The following PDE4B variants were observed in gnomAD, a reference collection of about 807,000 sequenced individuals.
PDE4B encodes 3',5'-cyclic-AMP phosphodiesterase 4B.
Under a neutral mutation model 82.2 loss-of-function variants are expected in PDE4B, and 20 were observed. That is an observed-to-expected ratio of 0.24 (90% CI 0.17 to 0.35). PDE4B has a LOEUF of 0.35. Among genes scored for constraint, PDE4B ranks in the 10% least tolerant of loss-of-function variants. The probability of loss-of-function intolerance (pLI) is 1.00; values close to 1 mark genes in which losing one functional copy is unlikely to be tolerated. For synonymous variants in PDE4B, 320 were observed against 318.9 expected, an observed-to-expected ratio of 1.00 and a Z score of -0.04; for missense variants, 655 against 907.2, an observed-to-expected ratio of 0.72 and a Z score of 3.57.
chr1:65,859,059 T>A (rs1267109899), intron 1 of PDE4B, among the ~76,000 whole-genome samples: 1 of 152,172 alleles, frequency 6.6e-6, no homozygotes, highest in East Asian at 1.9e-4. Flanking sequence ...CCTTCAGATA[T>A]TTGTGTGTTG....
chr1:65,954,563 G>C (rs992931065), intron 3 of PDE4B, among the ~76,000 whole-genome samples: 3 of 151,966 alleles, frequency 2.0e-5, no homozygotes, highest in African/African-American at 7.2e-5. Flanking sequence ...TTAAGCAAGT[G>C]ATTACTGTTA....
chr1:66,140,552 T>C (rs1229391071), intron 3 of PDE4B, among the ~76,000 whole-genome samples: 6 of 152,224 alleles, frequency 3.9e-5, no homozygotes, highest in Admixed American at 3.3e-4. Flanking sequence ...AAAATGGCAT[T>C]GTTTTATAAT....
intron 3 of PDE4B, among the ~76,000 whole-genome samples, chr1:66,052,076 T>TTG (rs1655059224): frequency 6.6e-6 from 1 of 152,166 alleles, no homozygotes. Context: ...CCCTTTCATG[T>TTG]TGTTGAGTCC....
At position 66,374,045 on chromosome 1, in the gene PDE4B, C is replaced by A. The variant is rs149577217; in HGVS notation, c.*1367C>A. 5.8e-4 allele frequency: 89 copies of A among 152,764 alleles called. No individual in the cohort carries two copies. Among genetic ancestry groups the A allele is most frequent in the African/African-American group, 2.0e-3 (85 of 41,574 alleles). 9.5% of individuals were successfully genotyped at this position (152,764 alleles called of 1,614,324 possible). Reference sequence around the variant, plus strand: ...GTTTTTACCCAGGTTCTATCCAAATCTATGTGGGCATGAGTTGGGTTATAA... The same window carrying A: ...GTTTTTACCCAGGTTCTATCCAAATATATGTGGGCATGAGTTGGGTTATAA... On this transcript the variant is annotated 3_prime_UTR_variant, in exon 17 of 17. Coordinates refer to ENST00000341517, the MANE Select transcript of PDE4B (RefSeq NM_002600.4).
At chr1:66,206,769 G>A (rs1322413919) in intron 3 of PDE4B, among the ~76,000 whole-genome samples, 2 of 152,130 alleles carry the variant, frequency 1.3e-5, no homozygotes, top group African/African-American at 4.8e-5. Context: ...ACAGAGTATG[G>A]ACCTGACATC....
chr1:66,185,086 G>T (rs4655600), intron 3 of PDE4B, among the ~76,000 whole-genome samples: 3 of 151,854 alleles, frequency 2.0e-5, no homozygotes, highest in Non-Finnish European at 4.4e-5. Context: ...GAGAACATGC[G>T]GTGTTTGGTT....
chr1:65,895,765 A>G (rs1387838566), intron 1 of PDE4B, among the ~76,000 whole-genome samples: 1 of 151,286 alleles, frequency 6.6e-6, no homozygotes, highest in Admixed American at 6.6e-5. Context: ...ATTAAAAATC[A>G]TGACCAGATA....
chr1:66,195,305 G>A (rs1648199520), intron 3 of PDE4B, among the ~76,000 whole-genome samples: 1 of 152,112 alleles, frequency 6.6e-6, no homozygotes, highest in African/African-American at 2.4e-5. Flanking sequence ...CCCTATGTGG[G>A]AGAGAAAAAT....
At position 66,280,976 on chromosome 1, in the gene PDE4B, C is replaced by A. The variant is rs148984282; in HGVS notation, c.634+14889C>A. On this transcript the variant is annotated intron_variant, in intron 7 of 16. Coordinates refer to ENST00000341517, the MANE Select transcript of PDE4B (RefSeq NM_002600.4). ...GTCACCAGGGTGTACATAGCTTTAA[C>A]TCAGGTACCTGCACGGGCATCACAG... Among the ~76,000 whole-genome samples the A allele has an allele frequency of 2.9e-3, 448 of 152,300 alleles. 4 individuals carry two copies. The highest frequency in any genetic ancestry group is 0.01 in the African/African-American group (420 of 41,560).
chr1:66,321,486 G>A (rs1035415688), intron 7 of PDE4B, among the ~76,000 whole-genome samples: 2 of 152,116 alleles, frequency 1.3e-5, no homozygotes, highest in African/African-American at 2.4e-5. Context: ...AAATATCTGA[G>A]ATTAGGTAAT....
intron 3 of PDE4B, among the ~76,000 whole-genome samples, chr1:66,175,083 G>A (rs1231043731): frequency 6.6e-6 from 1 of 152,126 alleles, no homozygotes; most frequent in African/African-American, 2.4e-5. Flanking sequence ...CAACACATAA[G>A]AATTACAATT....
Position 66,041,847 on chromosome 1 carries a change from C to CACAG in PDE4B, c.281+123013_281+123014insCAGA, listed in dbSNP as rs1465338315. 1.9e-4 allele frequency among the ~76,000 whole-genome samples: 29 copies of CACAG among 150,662 alleles called. No homozygotes were observed. In the South Asian group the frequency reaches 3.1e-3, roughly 16 times the overall value. On this transcript the variant is annotated intron_variant, in intron 3 of 16. Coordinates refer to ENST00000341517, the MANE Select transcript of PDE4B (RefSeq NM_002600.4). Reference sequence around the variant, plus strand: ...ACACACATACACACACACACACACACAGAATACCTAATGTATGATTCAACA... The same window carrying CACAG: ...ACACACATACACACACACACACACACACAGAGAATACCTAATGTATGATTCAACA...
chr1:65,797,546 G>A (rs1307901377), intron 1 of PDE4B, among the ~76,000 whole-genome samples: 6 of 152,132 alleles, frequency 3.9e-5, no homozygotes, highest in Admixed American at 6.5e-5. Flanking sequence ...TGGTTTGTCT[G>A]GTGCTTCCGG....
intron 3 of PDE4B, among the ~76,000 whole-genome samples, chr1:65,963,835 C>T (rs1306756956): frequency 6.6e-6 from 1 of 152,144 alleles, no homozygotes; most frequent in Non-Finnish European, 1.5e-5. Flanking sequence ...AACTGGTTAC[C>T]CAAACTAATT....
chr1:66,269,826 A>G lies in PDE4B; in HGVS notation c.634+3739A>G, dbSNP rs115860813. ...TTTTGCTTTATAGAAGGATTGGAGAAGCATCCTTTTAATGGCTAGCACATC... is the reference window on the plus strand; with the variant it reads ...TTTTGCTTTATAGAAGGATTGGAGAGGCATCCTTTTAATGGCTAGCACATC... On this transcript the variant is annotated intron_variant, in intron 7 of 16. Coordinates refer to ENST00000341517, the MANE Select transcript of PDE4B (RefSeq NM_002600.4). Among the ~76,000 whole-genome samples, 1,086 of 152,322 alleles carry G rather than the reference A, an allele frequency of 7.1e-3. 13 individuals are homozygous for G. The highest frequency in any genetic ancestry group is 0.025 in the African/African-American group (1,026 of 41,560).
At chr1:65,936,445 A>G (rs1648142287) in intron 3 of PDE4B, among the ~76,000 whole-genome samples, 1 of 152,200 alleles carries the variant, frequency 6.6e-6, no homozygotes, top group South Asian at 2.1e-4. Context: ...TGGGACCACC[A>G]TCATACATGT....
At chr1:65,832,646 A>G (rs1334853953) in intron 1 of PDE4B, among the ~76,000 whole-genome samples, 2 of 152,216 alleles carry the variant, frequency 1.3e-5, no homozygotes, top group East Asian at 3.8e-4. Flanking sequence ...GTACATTGAG[A>G]TTATAACTTG....
chr1:66,367,676 C>A lies in PDE4B; in HGVS notation c.1385-20C>A. 1.9e-6 allele frequency: 3 copies of A among 1,584,324 alleles called. No individual in the cohort carries two copies. The highest frequency in any genetic ancestry group is 1.7e-6 in the Non-Finnish European group (2 of 1,160,226). On this transcript the variant is annotated intron_variant, in intron 13 of 16. Coordinates refer to ENST00000341517, the MANE Select transcript of PDE4B (RefSeq NM_002600.4). ...TCATATCCCTTTTTAATTAAGTCAT[C>A]ATTTGGTCTGATTTATTAGATTCAG...
intron 13 of PDE4B, 36 bp from the exon 14 acceptor site, chr1:66,367,660 T>G: frequency 6.5e-7 from 1 of 1,546,142 alleles, no homozygotes; most frequent in Non-Finnish European, 8.8e-7. Context: ...ATCATATCCC[T>G]TTTTAATTAA....
Sources: allele counts gnomAD v4.1 joint callset (sites outside exome capture counted in the v4.1 genomes callset), GRCh38; gene constraint gnomAD v4.1.1; transcripts MANE v1.5; gene names NCBI Gene and HGNC (gene_info 2026-07-23, HGNC 2026-07-21).